PBX4: variants seen among roughly 807,000 people sequenced by gnomAD.
PBX4 encodes PBX homeobox 4, also known as pre-B-cell leukemia transcription factor 4.
PBX4 carries 26 observed loss-of-function variants against 35.1 expected under a neutral mutation model. That is an observed-to-expected ratio of 0.74 (90% CI 0.54 to 1.03). The LOEUF (loss-of-function observed/expected upper bound fraction) is 1.03. PBX4 is among the 50% of genes least tolerant of loss of function. The probability of loss-of-function intolerance (pLI) is 0.00; values close to 1 mark genes in which losing one functional copy is unlikely to be tolerated. For synonymous variants in PBX4, 199 were observed against 204.2 expected (o/e 0.97, Z 0.22); for missense variants, 448 against 504.3 (o/e 0.89, Z 1.07).
At chr19:19,616,350 CAG>C (rs2061688789) in intron 1 of PBX4, among the ~76,000 whole-genome samples, 1 of 152,076 alleles carries the variant, frequency 6.6e-6, no homozygotes, top group Admixed American at 6.6e-5. Context: ...TTTATGGAGA[CAG>C]AGTCTCACTC....
intron 1 of PBX4, among the ~76,000 whole-genome samples, chr19:19,618,055 G>A (rs1047950564): frequency 4.6e-5 from 7 of 152,124 alleles, no homozygotes; most frequent in African/African-American, 1.7e-4. Flanking sequence ...CAGCTACTCG[G>A]GAGGCTGAGG....
intron 3 of PBX4, 91 bp downstream of exon 3, chr19:19,570,495 G>A: frequency 6.4e-7 from 1 of 1,553,726 alleles, no homozygotes; most frequent in Non-Finnish European, 8.7e-7. Context: ...TCCCTGTTCT[G>A]CGCCACGAAA....
At chr19:19,574,092 G>A (rs908362350) in intron 2 of PBX4, among the ~76,000 whole-genome samples, 1 of 151,858 alleles carries the variant, frequency 6.6e-6, no homozygotes, top group Non-Finnish European at 1.5e-5. Context: ...GCCCAGGCTA[G>A]TCTCGAACTC....
chr19:19,596,723 A>C (rs1429844332), intron 2 of PBX4, among the ~76,000 whole-genome samples: 4 of 152,144 alleles, frequency 2.6e-5, no homozygotes, highest in Non-Finnish European at 4.4e-5. Context: ...GTTTGAGACC[A>C]GCCTGGGCAA....
At chr19:19,580,772 C>A (rs2061448934) in intron 2 of PBX4, among the ~76,000 whole-genome samples, 1 of 152,232 alleles carries the variant, frequency 6.6e-6, no homozygotes, top group African/African-American at 2.4e-5. Context: ...ACACCAGCTA[C>A]TGGGGAGGTC....
At chr19:19,591,874 T>C (rs2061530536) in intron 2 of PBX4, among the ~76,000 whole-genome samples, 1 of 152,198 alleles carries the variant, frequency 6.6e-6, no homozygotes, top group Admixed American at 6.5e-5. Flanking sequence ...TTTTATATTT[T>C]TTTAGAGGCA....
chr19:19,565,597 CATATATTT>C (rs1318748122), intron 5 of PBX4, among the ~76,000 whole-genome samples: 4 of 152,146 alleles, frequency 2.6e-5, no homozygotes, highest in African/African-American at 9.7e-5. Context: ...CTCATATATT[CATATATTT>C]TTCTTAATTT....
In PBX4 at chr19:19,618,685, A is replaced by G. The variant is rs2061701773; in HGVS notation, c.-56T>C. ...GTGCCGTCGAGCCTGGAGCACTACC[A>G]CTGGCGCCGCAGCCAACCGCCGCTG... On this transcript the variant is annotated 5_prime_UTR_variant, in exon 1 of 8. Coordinates refer to ENST00000251203, the MANE Select transcript of PBX4 (RefSeq NM_025245.3). 8.5e-7 allele frequency: 1 copy of G among 1,174,876 alleles called. No individual in the cohort carries two copies. Among genetic ancestry groups the G allele is most frequent in the Non-Finnish European group, 1.1e-6 (1 of 951,256 alleles). 72.8% of individuals were successfully genotyped at this position (1,174,876 alleles called of 1,614,324 possible).
In PBX4 at chr19:19,573,328, TATAC is replaced by T. The variant is rs1392584372; in HGVS notation, c.194-2499_194-2496del. Among the ~76,000 whole-genome samples, 97 of 92,122 alleles carry T rather than the reference TATAC, an allele frequency of 1.1e-3. No individual in the cohort carries two copies. The East Asian group carries it at 0.012, about 11-fold the overall frequency. The allele number at this position is 92,122 out of a possible 152,430, so 60.4% of individuals were successfully genotyped here. ...CTCCAAAAAAAAGAAAAAAAAAAAA[TATAC>T]ACACACACACACACACACACACACA... On this transcript the variant is annotated intron_variant, in intron 2 of 7. Coordinates refer to ENST00000251203, the MANE Select transcript of PBX4 (RefSeq NM_025245.3).
intron 2 of PBX4, among the ~76,000 whole-genome samples, chr19:19,588,738 A>G (rs965330748): frequency 2.6e-5 from 4 of 152,176 alleles, no homozygotes; most frequent in African/African-American, 9.7e-5. Flanking sequence ...CAACATGCAC[A>G]CTAACCATGA....
intron 2 of PBX4, among the ~76,000 whole-genome samples, chr19:19,580,370 A>G (rs2061446566): frequency 6.6e-6 from 1 of 152,156 alleles, no homozygotes; most frequent in South Asian, 2.1e-4. Flanking sequence ...GGGGGATAAG[A>G]ACCAGGGTCT....
chr19:19,582,411 C>T (rs2061460904), intron 2 of PBX4, among the ~76,000 whole-genome samples: 1 of 152,198 alleles, frequency 6.6e-6, no homozygotes, highest in Non-Finnish European at 1.5e-5. Context: ...GAGAGGAACA[C>T]ACCAGCAGAA....
chr19:19,607,324 G>A (rs1264190445), intron 1 of PBX4, among the ~76,000 whole-genome samples: 1 of 152,094 alleles, frequency 6.6e-6, no homozygotes, highest in Non-Finnish European at 1.5e-5. Flanking sequence ...AAAGTGCTGG[G>A]ATTATAGGCG....
At chr19:19,585,695 C>T (rs1293492227) in intron 2 of PBX4, among the ~76,000 whole-genome samples, 1 of 152,186 alleles carries the variant, frequency 6.6e-6, no homozygotes, top group Non-Finnish European at 1.5e-5. Context: ...TTCTGCCCCA[C>T]CCTAACTGAT....
intron 2 of PBX4, among the ~76,000 whole-genome samples, chr19:19,589,090 T>C (rs544262368): frequency 6.6e-6 from 1 of 152,138 alleles, no homozygotes; most frequent in African/African-American, 2.4e-5. Flanking sequence ...ATCACACCAG[T>C]GCCTCCAACC....
Position 19,618,664 on chromosome 19 carries a change from C to G in PBX4, c.-35G>C, listed in dbSNP as rs1014338177. 8 of 1,194,474 alleles carry G rather than the reference C, an allele frequency of 6.7e-6. No homozygotes were observed. The highest frequency in any genetic ancestry group is 1.6e-5 in the African/African-American group (1 of 62,580). The allele number at this position is 1,194,474 out of a possible 1,614,324, so 74.0% of individuals were successfully genotyped here. A position where few individuals can be genotyped will look rare whatever the true frequency, so the allele number is the denominator to read the frequency against. ...GGCCGGGCGGGCGCTGTGAGGGTGC[C>G]GTCGAGCCTGGAGCACTACCACTGG... On this transcript the variant is annotated 5_prime_UTR_variant, in exon 1 of 8. Coordinates refer to ENST00000251203, the MANE Select transcript of PBX4 (RefSeq NM_025245.3).
rs397838081 is a variant in PBX4, at chr19:19,573,330, T to TACACACAC, written c.194-2505_194-2498dup. On this transcript the variant is annotated intron_variant, in intron 2 of 7. Coordinates refer to ENST00000251203, the MANE Select transcript of PBX4 (RefSeq NM_025245.3). ...CCAAAAAAAAGAAAAAAAAAAAATA[T>TACACACAC]ACACACACACACACACACACACACA... Among the ~76,000 whole-genome samples the TACACACAC allele has an allele frequency of 9.0e-3, 1,204 of 133,362 alleles. 13 individuals are homozygous for TACACACAC. The highest frequency in any genetic ancestry group is 0.012 in the South Asian group (49 of 4,082). The allele number at this position is 133,362 out of a possible 152,430, so 87.5% of individuals were successfully genotyped here.
At chr19:19,590,840 C>T (rs1216645546) in intron 2 of PBX4, among the ~76,000 whole-genome samples, 1 of 152,114 alleles carries the variant, frequency 6.6e-6, no homozygotes, top group Admixed American at 6.6e-5. Context: ...TATTTATATA[C>T]AATGATCCAC....
intron 1 of PBX4, among the ~76,000 whole-genome samples, chr19:19,615,337 G>A (rs773140209): frequency 2.1e-4 from 31 of 150,982 alleles, no homozygotes; most frequent in Non-Finnish European, 3.8e-4. Flanking sequence ...ACAGAGCGCG[G>A]CCTTATATAA....
Sources: allele counts gnomAD v4.1 joint callset (sites outside exome capture counted in the v4.1 genomes callset), GRCh38; gene constraint gnomAD v4.1.1; transcripts MANE v1.5; gene names NCBI Gene and HGNC (gene_info 2026-07-23, HGNC 2026-07-21).